Variants in SHPRH observed in about 807,000 individuals in gnomAD.
SHPRH encodes SNF2 histone linker PHD RING helicase.
Under a neutral mutation model 202.5 loss-of-function variants are expected in SHPRH, and 106 were observed. That is an observed-to-expected ratio of 0.52 (90% CI 0.45 to 0.62). The LOEUF is 0.62. Among genes scored for constraint, SHPRH ranks in the 20% least tolerant of loss-of-function variants. The pLI, the probability that SHPRH is intolerant of heterozygous loss-of-function variation, is 0.00. For missense variants in SHPRH, 1,710 were observed against 2,020.0 expected, an observed-to-expected ratio of 0.85 and a Z score of 2.94; for synonymous variants, 729 against 686.0, an observed-to-expected ratio of 1.06 and a Z score of -0.98.
Position 145,886,801 on chromosome 6 carries a change from C to T in SHPRH, c.4956-14G>A. The T allele has an allele frequency of 6.2e-7, 1 of 1,610,076 alleles. No individual in the cohort carries two copies. The highest frequency in any genetic ancestry group is 8.5e-7 in the Non-Finnish European group (1 of 1,178,466). ...GAGTTCGTGTGACTGCAAGGTTTCC[C>T]AAATGAGCACAGTCAGAAAGAAACC... is the stretch of plus-strand genomic sequence containing the variant. On this transcript the variant is annotated splice_polypyrimidine_tract_variant and intron_variant, in intron 29 of 29. Transcript: ENST00000275233.
At chr6:145,961,373 A>G (rs1366674632) in intron 1 of SHPRH, among the ~76,000 whole-genome samples, 1 of 152,052 alleles carries the variant, frequency 6.6e-6, no homozygotes, top group Non-Finnish European at 1.5e-5. Flanking sequence ...AGTTCAAAAA[A>G]CCTTGTTATG....
intron 25 of SHPRH, chr6:145,909,910 T>C (rs1462332188): frequency 6.6e-6 from 1 of 152,168 alleles, no homozygotes; most frequent in Admixed American, 6.6e-5. Flanking sequence ...CTTAAAATTC[T>C]GAATGAAGCA....
downstream of SHPRH, chr6:145,884,733 T>G (rs1041458903): frequency 6.6e-6 from 1 of 152,172 alleles, no homozygotes; most frequent in South Asian, 2.1e-4. Flanking sequence ...TTAGCCATTT[T>G]GATATCTTTT....
intron 2 of SHPRH, among the ~76,000 whole-genome samples, chr6:145,865,754 T>A (rs565536584): frequency 5.3e-5 from 8 of 152,366 alleles, no homozygotes; most frequent in Admixed American, 5.2e-4. Flanking sequence ...CATCTTGGCT[T>A]ACTGGCTGCC....
intron 25 of SHPRH, chr6:145,904,416 CTTAA>C (rs374753315): frequency 1.4e-4 from 21 of 152,012 alleles, no homozygotes; most frequent in East Asian, 9.7e-4. Flanking sequence ...AAAATAATGC[CTTAA>C]TTATTTACAC....
chr6:145,900,643 T>C (rs898862924), intron 25 of SHPRH, among the ~76,000 whole-genome samples: 13 of 152,068 alleles, frequency 8.5e-5, no homozygotes, highest in African/African-American at 2.9e-4. Context: ...CATGGGGAGT[T>C]CTAGGATCCC....
At chr6:145,893,185 A>G (rs376546055) in intron 28 of SHPRH, 30 bp downstream of exon 28, 1 of 1,489,948 alleles carries the variant, frequency 6.7e-7, no homozygotes, top group Non-Finnish European at 8.9e-7. Context: ...AACTGAAGCA[A>G]ATGTGACTGA....
At chr6:145,933,263 G>A (rs1316764709) in intron 13 of SHPRH, 85 bp from the exon 14 acceptor site, 3 of 1,561,494 alleles carry the variant, frequency 1.9e-6, no homozygotes, top group Non-Finnish European at 2.6e-6. Context: ...ACATGATCAA[G>A]AGTGTATGAG....
intron 28 of SHPRH, among the ~76,000 whole-genome samples, chr6:145,891,460 G>A (rs1781558639): frequency 6.6e-6 from 1 of 151,954 alleles, no homozygotes; most frequent in Admixed American, 6.6e-5. Flanking sequence ...TACTTTTCCA[G>A]CTCCTAACAT....
intron 2 of SHPRH, among the ~76,000 whole-genome samples, chr6:145,867,599 AATATAT>A (rs374395571): frequency 0.056 from 1,206 of 21,534 alleles, 72 homozygotes; most frequent in South Asian, 0.094. Context: ...TTCAAAAAAG[AATATAT>A]ATATATATAT....
chr6:145,957,061 T>C (rs1174489415), intron 1 of SHPRH, among the ~76,000 whole-genome samples: 1 of 152,088 alleles, frequency 6.6e-6, no homozygotes, highest in East Asian at 1.9e-4. Flanking sequence ...TCAAGGGAAA[T>C]GTCCTGTAGT....
chr6:145,896,554 G>C (rs1421945412), intron 25 of SHPRH, among the ~76,000 whole-genome samples: 1 of 151,986 alleles, frequency 6.6e-6, no homozygotes, highest in African/African-American at 2.4e-5. Context: ...TCAAAGACTG[G>C]CCAGTTCAGT....
intron 21 of SHPRH, 87 bp from the exon 22 acceptor site, chr6:145,919,578 T>C (rs1221672814): frequency 6.9e-7 from 1 of 1,459,018 alleles, no homozygotes; most frequent in Non-Finnish European, 9.2e-7. Flanking sequence ...AGCAAAAGTC[T>C]TCAATGAGAT....
At position 145,886,860 on chromosome 6, in the gene SHPRH, G is replaced by A. The variant is rs577023417; in HGVS notation, c.4956-73C>T. The stretch of plus-strand genomic sequence containing the variant: ...TCAGCGATTATATTTGTAGTAATAC[G>A]AACTAGACACATATTTTTTCTTAAG... On this transcript the variant is annotated intron_variant, in intron 29 of 29. Transcript: ENST00000275233. 65 of 1,453,654 alleles carry A rather than the reference G, an allele frequency of 4.5e-5. No homozygotes were observed. In the African/African-American group the frequency reaches 8.4e-4, roughly 19 times the overall value. The allele number at this position is 1,453,654 out of a possible 1,614,324, so 90.0% of individuals were successfully genotyped here. A position where few individuals can be genotyped will look rare whatever the true frequency, so the allele number is the denominator to read the frequency against.
chr6:145,952,437 G>C lies in SHPRH; in HGVS notation c.675C>G (p.Asp225Glu). ...YLLEAGLAKL[D>E]FLSDANSRMK... is the part of the protein sequence containing the mutation. The stretch of plus-strand genomic sequence containing the variant: ...TTCTTGAATTTGCATCACTCAAGAA[G>C]TCTAGTTTTGCTAGGCCAGCTTCCA... The change falls in exon 3 of 30, where the codon GAC becomes GAG. Residue 225 changes from aspartate (D) to glutamate (E), a missense_variant. Asp to Glu is a conservative substitution (Grantham distance 45). Around this residue, in one of 8 missense-constraint regions of SHPRH, gnomAD observed 459 missense variants for 426.5 expected, o/e 1.08. Coordinates refer to ENST00000275233, the MANE Select transcript of SHPRH (RefSeq NM_001042683.3). 1 of 1,609,680 alleles carries C rather than the reference G, an allele frequency of 6.2e-7. No individual in the cohort carries two copies. Among genetic ancestry groups the C allele is most frequent in the Non-Finnish European group, 8.5e-7 (1 of 1,177,714 alleles).
At chr6:145,917,861 T>C (rs901103278) in intron 23 of SHPRH, 7 of 276,696 alleles carry the variant, frequency 2.5e-5, no homozygotes, top group African/African-American at 1.5e-4. Flanking sequence ...GTTTTAATAC[T>C]TTTACTATTC....
At chr6:145,960,055 C>G (rs892894786) in intron 1 of SHPRH, among the ~76,000 whole-genome samples, 2 of 152,176 alleles carry the variant, frequency 1.3e-5, no homozygotes, top group Non-Finnish European at 2.9e-5. Flanking sequence ...AAGCTCAATA[C>G]CTTGATATAG....
At position 145,950,251 on chromosome 6, in the gene SHPRH, A is replaced by G. The variant is rs1787837919; in HGVS notation, c.982+13T>C. 4.3e-6 allele frequency: 7 copies of G among 1,611,062 alleles called. No individual in the cohort carries two copies. The highest frequency in any genetic ancestry group is 1.3e-5 in the African/African-American group (1 of 74,770). ...CTAATCAATTGGACTTTCTTTAAAC[A>G]TCTTATTCTTACCAGTAGCAGGACT... On this transcript the variant is annotated intron_variant, in intron 4 of 29. Transcript: ENST00000275233.
intron 13 of SHPRH, among the ~76,000 whole-genome samples, chr6:145,934,562 T>A (rs1785856194): frequency 6.6e-6 from 1 of 151,294 alleles, no homozygotes; most frequent in African/African-American, 2.4e-5. Flanking sequence ...CTTGAGAGGC[T>A]GAGGCAGGAG....
Sources: allele counts gnomAD v4.1 joint callset (sites outside exome capture counted in the v4.1 genomes callset), GRCh38; gene constraint gnomAD v4.1.1; regional missense constraint gnomAD v4.1.1; transcripts MANE v1.5; gene names NCBI Gene and HGNC (gene_info 2026-07-23, HGNC 2026-07-21).